Variants in GLIS3 observed in about 807,000 individuals in gnomAD.
The protein encoded by GLIS3 is zinc finger protein GLIS3.
Under a neutral mutation model 78.6 loss-of-function variants are expected in GLIS3, and 53 were observed. The observed-to-expected ratio is 0.67, with a 90% CI of 0.54 to 0.85. GLIS3 has a LOEUF of 0.85. Ranked by LOEUF, GLIS3 falls within the 40% of genes least tolerant of loss-of-function variation. The pLI, the probability that GLIS3 is intolerant of heterozygous loss-of-function variation, is 0.00. For missense variants in GLIS3, 1,703 were observed against 1,231.1 expected (o/e 1.38, Z -5.74); for synonymous variants, 684 against 509.9 (o/e 1.34, Z -4.60).
At chr9:4,192,558 G>A (rs1339197516) in intron 2 of GLIS3, among the ~76,000 whole-genome samples, 1 of 152,106 alleles carries the variant, frequency 6.6e-6, no homozygotes, top group Non-Finnish European at 1.5e-5. Flanking sequence ...GCTTGGTCAG[G>A]GTTATTAGCA....
chr9:4,320,784 C>A (rs1341791936), intron 2 of GLIS3, among the ~76,000 whole-genome samples: 3 of 152,190 alleles, frequency 2.0e-5, no homozygotes, highest in African/African-American at 4.8e-5. Flanking sequence ...CATCACCACA[C>A]TATTCCAAGC....
chr9:3,827,286 T>G lies in GLIS3; in HGVS notation c.*986A>C, dbSNP rs1043586425. ...TGGTTTTCCAAGGGAAGCTGGCACA[T>G]GACTCAGTCTGTCCCAGTTCTCACA... is the stretch of plus-strand genomic sequence containing the variant. On this transcript the variant is annotated 3_prime_UTR_variant, in exon 11 of 11. Transcript: ENST00000381971. The G allele has an allele frequency of 6.6e-6, 1 of 152,252 alleles. No individual in the cohort carries two copies. The highest frequency in any genetic ancestry group is 1.9e-4 in the East Asian group (1 of 5,196). 9.4% of individuals were successfully genotyped at this position (152,252 alleles called of 1,614,324 possible). A position where few individuals can be genotyped will look rare whatever the true frequency, so the allele number is the denominator to read the frequency against.
chr9:4,204,030 C>T (rs994873137), intron 2 of GLIS3, among the ~76,000 whole-genome samples: 1 of 152,132 alleles, frequency 6.6e-6, no homozygotes, highest in African/African-American at 2.4e-5. Flanking sequence ...TAACATGATC[C>T]ATCCTCAGCA....
intron 7 of GLIS3, among the ~76,000 whole-genome samples, chr9:3,890,690 G>C (rs756482459): frequency 2.5e-4 from 38 of 152,040 alleles, no homozygotes; most frequent in Non-Finnish European, 5.0e-4. Flanking sequence ...CTGGAGTTTA[G>C]ATTTAGCTCC....
At chr9:4,295,641 G>C (rs990320064) in intron 1 of GLIS3, among the ~76,000 whole-genome samples, 1 of 152,338 alleles carries the variant, frequency 6.6e-6, no homozygotes, top group African/African-American at 2.4e-5. Flanking sequence ...CTAGAATGGA[G>C]TGTGAGAGAT....
chr9:4,104,393 C>T (rs1411285781), intron 4 of GLIS3, among the ~76,000 whole-genome samples: 1 of 152,126 alleles, frequency 6.6e-6, no homozygotes, highest in Non-Finnish European at 1.5e-5. Flanking sequence ...AGCCAGAATC[C>T]AACCAGCTAT....
rs930973304 is a variant in GLIS3 at position 4,190,297 on chromosome 9, G to C, written c.389-64356C>G. ...TAAAAACTTTGAAAAAATTTTAGAC[G>C]AATGTATAACTAGAATAACCAATAT... On this transcript the variant is annotated intron_variant, in intron 2 of 10. Coordinates refer to ENST00000381971, the MANE Select transcript of GLIS3 (RefSeq NM_001042413.2). Among the ~76,000 whole-genome samples, 6 of 152,258 alleles carry C rather than the reference G, an allele frequency of 3.9e-5. 1 individual carries two copies. The highest frequency in any genetic ancestry group is 3.9e-4 in the East Asian group (2 of 5,174).
chr9:4,435,413 G>C, the GLIS3 span, among the ~76,000 whole-genome samples: 1 of 152,096 alleles, frequency 6.6e-6, no homozygotes, highest in African/African-American at 2.4e-5. Flanking sequence ...GCAGATCCTC[G>C]CTTTTTCACT....
intron 2 of GLIS3, among the ~76,000 whole-genome samples, chr9:4,270,888 GGTGTGTGTGTGTGTGTGTGTGTGT>G (rs148679668): frequency 4.6e-4 from 68 of 147,008 alleles, no homozygotes; most frequent in East Asian, 1.0e-3. Context: ...CAATCTGTGT[GGTGTGTGTGTGTGTGTGTGTGTGT>G]GTGTGTGTGT....
intron 2 of GLIS3, among the ~76,000 whole-genome samples, chr9:4,185,795 T>C (rs1043419674): frequency 1.3e-5 from 2 of 152,138 alleles, no homozygotes; most frequent in African/African-American, 4.8e-5. Context: ...TCCCTCACTC[T>C]TCTCCTTTCA....
the GLIS3 span, among the ~76,000 whole-genome samples, chr9:4,415,135 G>C: frequency 7.9e-5 from 12 of 152,254 alleles, no homozygotes; most frequent in South Asian, 4.2e-4. Context: ...CTATCCAGGA[G>C]ACCTCAGAGA....
intron 2 of GLIS3, among the ~76,000 whole-genome samples, chr9:4,314,827 G>C (rs1563930020): frequency 6.6e-6 from 1 of 152,232 alleles, no homozygotes; most frequent in Non-Finnish European, 1.5e-5. Context: ...TAGGGAGAAT[G>C]GATGAACCAA....
chr9:4,198,099 G>C (rs972504262), intron 2 of GLIS3, among the ~76,000 whole-genome samples: 1 of 152,174 alleles, frequency 6.6e-6, no homozygotes, highest in Non-Finnish European at 1.5e-5. Context: ...AGAAATATCT[G>C]AATGTAGTAA....
At chr9:4,298,917 G>C (rs1816858007) in intron 1 of GLIS3, among the ~76,000 whole-genome samples, 1 of 152,140 alleles carries the variant, frequency 6.6e-6, no homozygotes, top group Non-Finnish European at 1.5e-5. Context: ...CAAACACGTG[G>C]AACTTGAAAA....
At chr9:4,246,410 G>A (rs1823807111) in intron 2 of GLIS3, among the ~76,000 whole-genome samples, 1 of 152,190 alleles carries the variant, frequency 6.6e-6, no homozygotes, top group Admixed American at 6.5e-5. Flanking sequence ...ACAGGAAGTA[G>A]ACTTCTCAGG....
intron 2 of GLIS3, among the ~76,000 whole-genome samples, chr9:4,325,417 A>G (rs17740888): frequency 0.13 from 20,122 of 152,236 alleles, 1,423 homozygotes; most frequent in East Asian, 0.22. Context: ...AAGGAACAAC[A>G]TACAGTTCAT....
intron 6 of GLIS3, among the ~76,000 whole-genome samples, chr9:3,912,693 G>C (rs1302411080): frequency 6.6e-6 from 1 of 152,132 alleles, no homozygotes; most frequent in Non-Finnish European, 1.5e-5. Context: ...ATACACAAAT[G>C]ACACACTCAA....
chr9:4,352,158 G>T (rs1269697329), upstream of GLIS3, among the ~76,000 whole-genome samples: 1 of 152,194 alleles, frequency 6.6e-6, no homozygotes, highest in African/African-American at 2.4e-5. Context: ...TCCATGCTTT[G>T]TCTCCTTTAC....
At chr9:4,020,124 G>C (rs759790302) in intron 4 of GLIS3, among the ~76,000 whole-genome samples, 1 of 152,120 alleles carries the variant, frequency 6.6e-6, no homozygotes, top group African/African-American at 2.4e-5. Context: ...TGAAGGAGGT[G>C]AGAGAGTCAG....
Sources: gnomAD v4.1 joint callset for allele counts (sites outside exome capture counted in the v4.1 genomes callset) on GRCh38, gnomAD v4.1.1 for gene constraint, MANE v1.5 for transcripts, NCBI Gene and HGNC (gene_info 2026-07-23, HGNC 2026-07-21) for gene names.